EPRS1: variants seen among roughly 807,000 people sequenced by gnomAD.
EPRS1 encodes the protein glutamyl-prolyl-tRNA synthetase 1, also known as bifunctional glutamate/proline--tRNA ligase.
In EPRS1, 107 loss-of-function variants were observed where a neutral mutation model predicts 188.3. The observed-to-expected ratio is 0.57, with a 90% CI of 0.49 to 0.67. The LOEUF is 0.67. Ranked by LOEUF, EPRS1 falls within the 30% of genes least tolerant of loss-of-function variation. The pLI is 0.00. For synonymous variants in EPRS1, 596 were observed against 593.1 expected, an observed-to-expected ratio of 1.00 and a Z score of -0.07; for missense variants, 1,577 against 1,802.2, an observed-to-expected ratio of 0.88 and a Z score of 2.26.
At chr1:220,027,352 C>T (rs571428476) in intron 6 of EPRS1, among the ~76,000 whole-genome samples, 2 of 151,666 alleles carry the variant, frequency 1.3e-5, no homozygotes, top group African/African-American at 2.4e-5. Flanking sequence ...GGCGTGAACC[C>T]GGGAGGTGGA....
In EPRS1 at chr1:220,041,772, G is replaced by A. The variant is rs184231887; in HGVS notation, c.47-1503C>T. Among the ~76,000 whole-genome samples the A allele has an allele frequency of 1.1e-4, 16 of 151,778 alleles. 1 individual carries two copies. The highest frequency in any genetic ancestry group is 4.2e-4 in the South Asian group (2 of 4,800). On this transcript the variant is annotated intron_variant, in intron 1 of 31. Transcript: ENST00000366923. ...GGAGAATCACTTGAACCTGGGAGGC[G>A]GAGATTGTGGCAAGCCAAGATTGCA...
chr1:220,040,237 C>T lies in EPRS1; in HGVS notation c.79G>A (p.Asp27Asn), dbSNP rs199544775. ...ALLAVEHVKDDVSISVEEGKE... is the reference protein window; with the variant it reads ...ALLAVEHVKDNVSISVEEGKE... ...CCTTCTTCAACGGAAATGCTGACAT[C>T]GTCTTTCACGTGTTCTACTGCCAGC... Residue 27 changes from aspartate (D) to asparagine (N), a missense_variant, in exon 2 of 32, where the codon GAT (aspartate) becomes AAT (asparagine). Transcript: ENST00000366923. The T allele has an allele frequency of 5.5e-5, 89 of 1,609,176 alleles. 1 individual carries two copies. The East Asian group carries it at 1.7e-3, about 30-fold the overall frequency.
intron 16 of EPRS1, among the ~76,000 whole-genome samples, chr1:220,004,403 G>A (rs1386591634): frequency 1.3e-5 from 2 of 152,012 alleles, no homozygotes; most frequent in African/African-American, 4.8e-5. Flanking sequence ...CAGACTGGTG[G>A]GCATGTGAAA....
chr1:220,027,681 A>T (rs925969737), intron 6 of EPRS1, among the ~76,000 whole-genome samples: 5 of 151,322 alleles, frequency 3.3e-5, no homozygotes, highest in Non-Finnish European at 7.4e-5. Context: ...AAAACTTTAT[A>T]CATATAATAA....
chr1:220,020,056 A>C lies in EPRS1; in HGVS notation c.1281T>G (p.Asn427Lys). ...KPYIWEYSRL[N>K]LNNTVLSKRK... ...TTTTGGATAGCACTGTGTTGTTGAG[A>C]TTTAGCCGACTATATTCCCAAATAT... The change falls in exon 10 of 32, where the codon AAT becomes AAG. Residue 427 changes from asparagine (N) to lysine (K), a missense_variant. Around this residue, in one of 3 missense-constraint regions of EPRS1, gnomAD observed 1,278 missense variants for 1,457.4 expected, o/e 0.88. Coordinates refer to ENST00000366923, the MANE Select transcript of EPRS1 (RefSeq NM_004446.3). The C allele has an allele frequency of 6.2e-7, 1 of 1,614,110 alleles. No individual in the cohort carries two copies. The highest frequency in any genetic ancestry group is 8.5e-7 in the Non-Finnish European group (1 of 1,179,990).
intron 16 of EPRS1, among the ~76,000 whole-genome samples, chr1:220,004,690 C>T (rs937234465): frequency 6.6e-6 from 1 of 151,922 alleles, no homozygotes; most frequent in Non-Finnish European, 1.5e-5. Context: ...GTTAGATTCA[C>T]AAGACTAAAT....
intron 17 of EPRS1, among the ~76,000 whole-genome samples, chr1:219,998,679 A>C (rs1189475806): frequency 1.3e-5 from 2 of 151,412 alleles, no homozygotes; most frequent in African/African-American, 4.9e-5. Flanking sequence ...AGTAGCTGGG[A>C]TTACAGGCCT....
At chr1:220,003,464 C>T (rs950186024) in intron 16 of EPRS1, among the ~76,000 whole-genome samples, 30 of 151,848 alleles carry the variant, frequency 2.0e-4, no homozygotes, top group African/African-American at 7.0e-4. Context: ...GTGTTATATC[C>T]AAAACAGCAT....
chr1:219,988,138 C>T (rs1661039922), intron 19 of EPRS1, among the ~76,000 whole-genome samples: 1 of 152,156 alleles, frequency 6.6e-6, no homozygotes, highest in South Asian at 2.1e-4. Context: ...AAACCTACTC[C>T]TAAAAAGATA....
intron 5 of EPRS1, among the ~76,000 whole-genome samples, chr1:220,031,880 C>A (rs999467749): frequency 6.6e-6 from 1 of 152,092 alleles, no homozygotes; most frequent in Non-Finnish European, 1.5e-5. Context: ...AAGGGACATA[C>A]ACTGGATGAT....
intron 20 of EPRS1, among the ~76,000 whole-genome samples, chr1:219,985,637 T>G (rs894360119): frequency 2.6e-5 from 4 of 152,104 alleles, no homozygotes; most frequent in African/African-American, 9.7e-5. Flanking sequence ...ACTCCTGACC[T>G]CAAGCGATCC....
At chr1:220,024,531 A>C in intron 7 of EPRS1, 75 bp from the exon 8 acceptor site, 1 of 927,902 alleles carries the variant, frequency 1.1e-6, no homozygotes, top group East Asian at 2.5e-5. Context: ...TTGATACTGC[A>C]TTTAAGCAAA....
intron 18 of EPRS1, among the ~76,000 whole-genome samples, chr1:219,992,124 C>T (rs886968643): frequency 1.3e-5 from 2 of 152,082 alleles, no homozygotes; most frequent in African/African-American, 4.8e-5. Context: ...TGCAGGGTGG[C>T]GGCTTCCTAG....
intron 6 of EPRS1, among the ~76,000 whole-genome samples, chr1:220,028,706 T>C (rs766537627): frequency 6.6e-6 from 1 of 152,208 alleles, no homozygotes; most frequent in Non-Finnish European, 1.5e-5. Flanking sequence ...ATTAATAAGT[T>C]ACTATAAGTA....
intron 16 of EPRS1, among the ~76,000 whole-genome samples, chr1:220,003,264 T>C (rs1661394556): frequency 1.3e-5 from 2 of 152,214 alleles, no homozygotes; most frequent in Non-Finnish European, 2.9e-5. Flanking sequence ...TTTGTACATC[T>C]GCTTGAAGAA....
At chr1:219,970,443 G>C (rs187910242) in intron 30 of EPRS1, among the ~76,000 whole-genome samples, 1 of 152,208 alleles carries the variant, frequency 6.6e-6, no homozygotes, top group Non-Finnish European at 1.5e-5. Context: ...AAAAAACACA[G>C]TGCTACAGAT....
chr1:219,969,236 C>A, intron 30 of EPRS1, 114 bp from the exon 31 acceptor site: 1 of 730,932 alleles, frequency 1.4e-6, no homozygotes, highest in Non-Finnish European at 2.3e-6. Flanking sequence ...GGTCTCCCAA[C>A]CTTTTTTCAG....
rs1660702866 is a variant in EPRS1, at chr1:219,973,234, C to T, written c.4244+4G>A. On this transcript the variant is annotated splice_donor_region_variant and intron_variant, in intron 29 of 31. Transcript: ENST00000366923. ...GAGAGACATAAGCAATTTTAAGAAA[C>T]TACCTTGTGAAAAGGGTGACCTGGA... 6.2e-7 allele frequency: 1 copy of T among 1,610,382 alleles called. No individual in the cohort carries two copies. Among genetic ancestry groups the T allele is most frequent in the African/African-American group, 1.3e-5 (1 of 74,568 alleles).
chr1:219,983,193 G>A lies in EPRS1; in HGVS notation c.3296C>T (p.Pro1099Leu). ...TAAAAAAGCAAGCTCACTTACCTCT[G>A]GGGCAAAGTCAGCAACATGAGTCTT... is the stretch of plus-strand genomic sequence containing the variant. ...KEKTHVADFA[P>L]EVAWVTRSGK... is the part of the protein sequence containing the mutation. Residue 1099 changes from proline to leucine, a missense_variant, in exon 22 of 32, where the codon CCA (proline) becomes CTA (leucine). Physicochemically the swap from Pro to Leu is moderately conservative, Grantham distance 98. This residue lies in a region of EPRS1 where 1,278 missense variants were observed against 1,457.4 expected (regional missense o/e 0.88). Transcript: ENST00000366923. 6.2e-7 allele frequency: 1 copy of A among 1,611,040 alleles called. No individual in the cohort carries two copies. Among genetic ancestry groups the A allele is most frequent in the Non-Finnish European group, 8.5e-7 (1 of 1,177,884 alleles).
Sources: gnomAD v4.1 joint callset for allele counts (sites outside exome capture counted in the v4.1 genomes callset) on GRCh38, gnomAD v4.1.1 for gene constraint, gnomAD v4.1.1 regional missense constraint, MANE v1.5 for transcripts, NCBI Gene and HGNC (gene_info 2026-07-23, HGNC 2026-07-21) for gene names.